Variants in GAS7 observed in about 807,000 individuals in gnomAD.
GAS7 encodes growth arrest specific 7, also known as growth arrest-specific protein 7.
Under a neutral mutation model 71.1 loss-of-function variants are expected in GAS7, and 28 were observed. The observed-to-expected ratio is 0.39, with a 90% CI of 0.29 to 0.54. The LOEUF (loss-of-function observed/expected upper bound fraction) is 0.54. GAS7 is among the 20% of genes least tolerant of loss of function. The pLI, the probability that GAS7 is intolerant of heterozygous loss-of-function variation, is 0.62. For synonymous variants in GAS7, 258 were observed against 245.8 expected, an observed-to-expected ratio of 1.05 and a Z score of -0.46; for missense variants, 436 against 627.8, an observed-to-expected ratio of 0.69 and a Z score of 3.27.
intron 1 of GAS7, among the ~76,000 whole-genome samples, chr17:10,144,963 A>G (rs1481825247): frequency 6.6e-6 from 1 of 152,250 alleles, no homozygotes; most frequent in Non-Finnish European, 1.5e-5. Context: ...AGAACCTTCT[A>G]GAAACCAAAC....
At chr17:9,934,562 G>C (rs1026185575) in intron 8 of GAS7, among the ~76,000 whole-genome samples, 1 of 152,136 alleles carries the variant, frequency 6.6e-6, no homozygotes, top group Non-Finnish European at 1.5e-5. Flanking sequence ...GCCGGAAGCA[G>C]GTGTGGGGAC....
At chr17:9,948,162 A>G (rs1181206303) in intron 5 of GAS7, among the ~76,000 whole-genome samples, 1 of 152,244 alleles carries the variant, frequency 6.6e-6, no homozygotes, top group Admixed American at 6.5e-5. Flanking sequence ...TCAAAGTTAT[A>G]TGTCAATTTT....
chr17:10,046,788 G>GAAA (rs1285097272), intron 1 of GAS7, among the ~76,000 whole-genome samples: 1 of 32,342 alleles, frequency 3.1e-5, no homozygotes, highest in African/African-American at 1.3e-4. Context: ...AAGAAAGAAA[G>GAAA]GAAGGAAGGA....
At chr17:10,175,995 T>C (rs2074371829) in intron 1 of GAS7, among the ~76,000 whole-genome samples, 1 of 152,184 alleles carries the variant, frequency 6.6e-6, no homozygotes, top group Non-Finnish European at 1.5e-5. Context: ...TCACTCGGTC[T>C]GGTTCCCCAC....
chr17:10,066,308 G>C (rs1193450713), intron 1 of GAS7, among the ~76,000 whole-genome samples: 1 of 152,196 alleles, frequency 6.6e-6, no homozygotes, highest in Non-Finnish European at 1.5e-5. Context: ...AGCCTCCTGA[G>C]TAGCTGGAAT....
chr17:9,978,556 T>C (rs1400933469), intron 3 of GAS7, among the ~76,000 whole-genome samples: 1 of 151,846 alleles, frequency 6.6e-6, no homozygotes, highest in Non-Finnish European at 1.5e-5. Context: ...CACACGCCTG[T>C]AGTTCCAGCT....
intron 1 of GAS7, among the ~76,000 whole-genome samples, chr17:10,085,187 C>A (rs2073503583): frequency 6.6e-6 from 1 of 152,162 alleles, no homozygotes; most frequent in Non-Finnish European, 1.5e-5. Flanking sequence ...TGGCTTACAT[C>A]AGCCAGAATC....
In GAS7 at chr17:9,995,391, G is replaced by C. The variant is rs2071000515; in HGVS notation, c.305-13507C>G. Among the ~76,000 whole-genome samples, 3 of 152,072 alleles carry C rather than the reference G, an allele frequency of 2.0e-5. No individual in the cohort carries two copies. The South Asian group carries it at 6.2e-4, about 32-fold the overall frequency. ...TAAAAAGAAAGATAAAGAGACGAGG[G>C]AAAGACCAAGAAGGGGGCCAGGGAG... On this transcript the variant is annotated intron_variant, in intron 2 of 13. Transcript: ENST00000432992.
chr17:9,938,739 A>C (rs1360755439), intron 8 of GAS7, among the ~76,000 whole-genome samples: 1 of 152,042 alleles, frequency 6.6e-6, no homozygotes, highest in Admixed American at 6.5e-5. Flanking sequence ...ACACACCCCA[A>C]AAGGAAACCC....
At position 9,926,474 on chromosome 17, in the gene GAS7, G is replaced by A. The variant is rs2068002656; in HGVS notation, c.1014+167C>T. 6.6e-6 allele frequency among the ~76,000 whole-genome samples: 1 copy of A among 152,224 alleles called. No individual in the cohort carries two copies. The highest frequency in any genetic ancestry group is 1.5e-5 in the Non-Finnish European group (1 of 68,046). On this transcript the variant is annotated intron_variant, in intron 10 of 13. Coordinates refer to ENST00000432992, the MANE Select transcript of GAS7 (RefSeq NM_201433.2). The surrounding 1 kb of genome is among the most constrained non-coding windows in gnomAD (Gnocchi z 5.0). ...AGGCAGCTCCTATCTGCCCTTGGAT[G>A]GGTGGGGTGCTCTGGCGTAGGCACG... is the stretch of plus-strand genomic sequence containing the variant.
At chr17:10,178,939 G>A (rs4128646) in intron 1 of GAS7, among the ~76,000 whole-genome samples, 73,511 of 151,290 alleles carry the variant, frequency 0.49, 18,130 homozygotes, top group East Asian at 0.57. Flanking sequence ...ATACGGCCAG[G>A]ACAGACAGGT....
At chr17:9,994,517 T>C (rs1048446407) in intron 2 of GAS7, among the ~76,000 whole-genome samples, 2 of 144,204 alleles carry the variant, frequency 1.4e-5, no homozygotes, top group Non-Finnish European at 3.1e-5. Context: ...TTACACCTTA[T>C]ACAAAAATCA....
chr17:9,986,125 G>A (rs964503327), intron 2 of GAS7, among the ~76,000 whole-genome samples: 2 of 152,192 alleles, frequency 1.3e-5, no homozygotes, highest in African/African-American at 4.8e-5. Flanking sequence ...CCTGAAGGAT[G>A]CAAGGACAGA....
chr17:10,188,816 T>C (rs969489109), intron 1 of GAS7, among the ~76,000 whole-genome samples: 1 of 152,114 alleles, frequency 6.6e-6, no homozygotes, highest in African/African-American at 2.4e-5. Context: ...TTTTTTTGTA[T>C]TTATAGAGAA....
chr17:10,091,017 A>G (rs9901277), intron 1 of GAS7, among the ~76,000 whole-genome samples: 20,342 of 151,710 alleles, frequency 0.13, 1,544 homozygotes, highest in East Asian at 0.23. Flanking sequence ...CTGACTCCCA[A>G]CCCTTCTCAC....
intron 4 of GAS7, among the ~76,000 whole-genome samples, chr17:9,966,918 A>C (rs2069738237): frequency 6.6e-6 from 1 of 152,126 alleles, no homozygotes; most frequent in Admixed American, 6.5e-5. Context: ...TTTATATACA[A>C]ATGTTACCCT....
rs1044680035 is a variant in GAS7, at chr17:9,916,987, G to A, written c.*241C>T. 10 of 566,380 alleles carry A rather than the reference G, an allele frequency of 1.8e-5. No individual in the cohort carries two copies. The highest frequency in any genetic ancestry group is 1.9e-5 in the Non-Finnish European group (6 of 317,258). The allele number at this position is 566,380 out of a possible 1,614,324, so 35.1% of individuals were successfully genotyped here. A position where few individuals can be genotyped will look rare whatever the true frequency, so the allele number is the denominator to read the frequency against. On this transcript the variant is annotated 3_prime_UTR_variant, in exon 14 of 14. Coordinates refer to ENST00000432992, the MANE Select transcript of GAS7 (RefSeq NM_201433.2). ...TGTTTCAGAGCGGCAAGCACAGCATGGGAGTCAGGGGGTCTTCAGCCTCAG... is the reference window on the plus strand; with the variant it reads ...TGTTTCAGAGCGGCAAGCACAGCATAGGAGTCAGGGGGTCTTCAGCCTCAG...
intron 6 of GAS7, among the ~76,000 whole-genome samples, chr17:9,943,900 C>T (rs2068697615): frequency 6.6e-6 from 1 of 152,146 alleles, no homozygotes; most frequent in Non-Finnish European, 1.5e-5. Context: ...ACAGCCCCAC[C>T]TTCATGTGGT....
At chr17:10,156,184 G>C (rs751559216) in intron 1 of GAS7, among the ~76,000 whole-genome samples, 2 of 152,076 alleles carry the variant, frequency 1.3e-5, no homozygotes, top group South Asian at 4.1e-4. Context: ...TATTTCCTTC[G>C]TAAGCAGATT....
Sources: allele counts gnomAD v4.1 joint callset (sites outside exome capture counted in the v4.1 genomes callset), GRCh38; gene constraint gnomAD v4.1.1; non-coding constraint Gnocchi (gnomAD v3.1); transcripts MANE v1.5; gene names NCBI Gene and HGNC (gene_info 2026-07-23, HGNC 2026-07-21).